The following SLIT3 variants were observed in gnomAD, a reference collection of about 807,000 sequenced individuals.
The protein encoded by SLIT3 is slit homolog 3 protein.
SLIT3 carries 68 observed loss-of-function variants against 184.0 expected under a neutral mutation model. That is an observed-to-expected ratio of 0.37 (90% CI 0.30 to 0.45). SLIT3 has a LOEUF of 0.45. SLIT3 is among the 20% of genes least tolerant of loss of function. The pLI, the probability that SLIT3 is intolerant of heterozygous loss-of-function variation, is 1.00. For missense variants in SLIT3, 1,707 were observed against 2,026.0 expected, an observed-to-expected ratio of 0.84 and a Z score of 3.02; for synonymous variants, 831 against 828.6, an observed-to-expected ratio of 1.00 and a Z score of -0.05.
chr5:169,053,821 C>T (rs952440987), intron 4 of SLIT3, among the ~76,000 whole-genome samples: 2 of 152,086 alleles, frequency 1.3e-5, no homozygotes, highest in East Asian at 3.9e-4. Flanking sequence ...GGTGCAGTGG[C>T]TCATGCCTAT....
At chr5:168,747,006 G>T (rs1310328907) in intron 20 of SLIT3, among the ~76,000 whole-genome samples, 4 of 150,830 alleles carry the variant, frequency 2.7e-5, no homozygotes, top group African/African-American at 9.8e-5. Flanking sequence ...TGTGTGGTGT[G>T]GTGGTGTGTG....
At chr5:168,823,148 C>T (rs768841112) in intron 7 of SLIT3, 112 bp downstream of exon 7, 61 of 881,258 alleles carry the variant, frequency 6.9e-5, no homozygotes, top group African/African-American at 5.8e-4. Context: ...ATTTGAATGT[C>T]GGAACCATCT....
At chr5:169,034,624 G>T (rs1001773112) in intron 4 of SLIT3, among the ~76,000 whole-genome samples, 35 of 152,198 alleles carry the variant, frequency 2.3e-4, no homozygotes, top group Admixed American at 2.1e-3. Context: ...CTGGCCAAGT[G>T]GTGCCTTGGA....
intron 5 of SLIT3, among the ~76,000 whole-genome samples, chr5:168,877,690 G>A (rs1363396427): frequency 6.6e-6 from 1 of 152,116 alleles, no homozygotes; most frequent in Non-Finnish European, 1.5e-5. Flanking sequence ...AGAACACAAA[G>A]GCTGCCTGCC....
At chr5:168,843,215 T>TCCTCTC (rs1758329609) in intron 6 of SLIT3, among the ~76,000 whole-genome samples, 1 of 152,138 alleles carries the variant, frequency 6.6e-6, no homozygotes, top group Non-Finnish European at 1.5e-5. Flanking sequence ...TGATTCCTCT[T>TCCTCTC]GGAATCACCT....
chr5:169,063,770 A>C (rs751836233), intron 4 of SLIT3, among the ~76,000 whole-genome samples: 9 of 152,250 alleles, frequency 5.9e-5, no homozygotes, highest in Non-Finnish European at 8.8e-5. Flanking sequence ...CGGAATGTTC[A>C]TCTCGCGCTA....
intron 26 of SLIT3, 94 bp downstream of exon 26, chr5:168,707,882 G>A: frequency 2.7e-6 from 4 of 1,497,296 alleles, no homozygotes; most frequent in Non-Finnish European, 3.7e-6. Context: ...CCTTGGAGAA[G>A]GGAGGGTACG....
chr5:168,811,140 G>C (rs1181680500), intron 8 of SLIT3, among the ~76,000 whole-genome samples: 2 of 152,134 alleles, frequency 1.3e-5, no homozygotes, highest in East Asian at 3.9e-4. Flanking sequence ...GGCCCATGGA[G>C]ATGGCAAGGA....
rs1760973499 is a variant in SLIT3 at position 168,664,511 on chromosome 5, T to C, written c.*1943A>G. ...CTCTTCATCCCCTCCATCCCTTCCT[T>C]CTTTCCTTCCTTCCTTCTTCCAGTT... On this transcript the variant is annotated 3_prime_UTR_variant, in exon 36 of 36. Coordinates refer to ENST00000519560, the MANE Select transcript of SLIT3 (RefSeq NM_003062.4). The C allele has an allele frequency of 1.4e-5, 1 of 73,302 alleles. No individual in the cohort carries two copies. Among genetic ancestry groups the C allele is most frequent in the Non-Finnish European group, 2.5e-5 (1 of 39,450 alleles). The allele number at this position is 73,302 out of a possible 1,614,324, so 4.5% of individuals were successfully genotyped here.
chr5:168,666,297 A>AT lies in SLIT3; in HGVS notation c.*156dup, dbSNP rs931209010. ...ACTTTCCATAATAAAAATAAGTTCT[A>AT]TTTTTTGTTTATTTTACAATATACT... On this transcript the variant is annotated 3_prime_UTR_variant, in exon 36 of 36. Transcript: ENST00000519560. The AT allele has an allele frequency of 6.3e-5, 40 of 632,256 alleles. No homozygotes were observed. In the African/African-American group the frequency reaches 7.0e-4, roughly 11 times the overall value. The allele number at this position is 632,256 out of a possible 1,614,324, so 39.2% of individuals were successfully genotyped here.
intron 4 of SLIT3, among the ~76,000 whole-genome samples, chr5:169,095,544 G>C (rs1759745355): frequency 6.6e-6 from 1 of 150,676 alleles, no homozygotes; most frequent in Non-Finnish European, 1.5e-5. Context: ...ACCGAGGCTG[G>C]GGCTCTGTCC....
At chr5:169,073,821 C>T (rs185867553) in intron 4 of SLIT3, among the ~76,000 whole-genome samples, 18 of 152,274 alleles carry the variant, frequency 1.2e-4, no homozygotes, top group Middle Eastern at 3.4e-3. Flanking sequence ...CAGATGCTTG[C>T]ACCACACTTC....
chr5:168,757,678 G>A (rs955830352), intron 16 of SLIT3, among the ~76,000 whole-genome samples: 5 of 152,042 alleles, frequency 3.3e-5, no homozygotes, highest in South Asian at 2.1e-4. Context: ...CTTGTGATCC[G>A]CCTGGCTCAG....
At chr5:168,692,723 C>T (rs756182610) in intron 28 of SLIT3, 23 bp from the exon 29 acceptor site, 1 of 1,565,070 alleles carries the variant, frequency 6.4e-7, no homozygotes, top group Non-Finnish European at 8.8e-7. Flanking sequence ...GGGGAGATAG[C>T]TCAGGCCTCA....
intron 4 of SLIT3, among the ~76,000 whole-genome samples, chr5:168,898,413 T>C (rs1330751832): frequency 1.6e-5 from 2 of 128,908 alleles, no homozygotes; most frequent in South Asian, 2.5e-4. Context: ...TTTTTTTTTT[T>C]AAAGATCCAG....
At chr5:168,916,033 AC>A (rs1272399300) in intron 4 of SLIT3, among the ~76,000 whole-genome samples, 3 of 152,226 alleles carry the variant, frequency 2.0e-5, no homozygotes, top group African/African-American at 7.2e-5. Context: ...TGTTACATAG[AC>A]ATATTTTTAC....
At chr5:168,827,379 G>A (rs1006903466) in intron 6 of SLIT3, among the ~76,000 whole-genome samples, 3 of 152,120 alleles carry the variant, frequency 2.0e-5, no homozygotes, top group South Asian at 2.1e-4. Flanking sequence ...CATGCCCCTC[G>A]GCTCATGGCT....
intron 3 of SLIT3, among the ~76,000 whole-genome samples, chr5:169,215,569 A>T (rs10040728): frequency 0.1 from 15,346 of 152,182 alleles, 1,302 homozygotes; most frequent in African/African-American, 0.22. Context: ...TAAACAATAC[A>T]TCAATAAATG....
Position 168,712,295 on chromosome 5 carries a change from G to T in SLIT3, c.2543C>A (p.Ser848Tyr). ...VPEGSFNDLTSLSHLALGTNP... is the reference protein window; with the variant it reads ...VPEGSFNDLTYLSHLALGTNP... Reference sequence around the variant, plus strand: ...CACTGCTACTTACAGATGGGAAAGAGATGTGAGGTCGTTGAAGGAGCCTTC... The same window carrying T: ...CACTGCTACTTACAGATGGGAAAGATATGTGAGGTCGTTGAAGGAGCCTTC... The change falls in exon 24 of 36, where the codon TCT (serine) becomes TAT (tyrosine). Residue 848 changes from serine to tyrosine, a missense_variant. This residue lies in a region of SLIT3 where 1,307 missense variants were observed against 1,511.6 expected (regional missense o/e 0.86). Coordinates refer to ENST00000519560, the MANE Select transcript of SLIT3 (RefSeq NM_003062.4). 6.2e-7 allele frequency: 1 copy of T among 1,613,862 alleles called. No individual in the cohort carries two copies. The highest frequency in any genetic ancestry group is 8.5e-7 in the Non-Finnish European group (1 of 1,179,706).
Sources: allele counts gnomAD v4.1 joint callset (sites outside exome capture counted in the v4.1 genomes callset), GRCh38; gene constraint gnomAD v4.1.1; regional missense constraint gnomAD v4.1.1; transcripts MANE v1.5; gene names NCBI Gene and HGNC (gene_info 2026-07-23, HGNC 2026-07-21).